Variants in SGCZ observed in about 807,000 individuals in gnomAD.
SGCZ encodes zeta-sarcoglycan.
Under a neutral mutation model 41.3 loss-of-function variants are expected in SGCZ, and 40 were observed. That is an observed-to-expected ratio of 0.97 (90% confidence interval 0.75 to 1.26). The LOEUF (loss-of-function observed/expected upper bound fraction) is 1.26. Ranked by LOEUF, SGCZ falls within the 50% of genes most tolerant of loss-of-function variation. The pLI is 0.00. For missense variants in SGCZ, 552 were observed against 369.8 expected, an observed-to-expected ratio of 1.49 and a Z score of -4.04; for synonymous variants, 206 against 137.5, an observed-to-expected ratio of 1.50 and a Z score of -3.49.
At chr8:14,164,321 C>T (rs562092877) in intron 5 of SGCZ, among the ~76,000 whole-genome samples, 2 of 152,180 alleles carry the variant, frequency 1.3e-5, no homozygotes, top group East Asian at 3.9e-4. Context: ...CCACCCCGCC[C>T]AGCCACATCA....
At chr8:14,198,040 T>C (rs1312834092) in intron 4 of SGCZ, among the ~76,000 whole-genome samples, 1 of 152,208 alleles carries the variant, frequency 6.6e-6, no homozygotes, top group African/African-American at 2.4e-5. Flanking sequence ...AATATTTTTA[T>C]AGCACAATAA....
rs189422212 is a variant in SGCZ at position 14,378,307 on chromosome 8, T to G, written c.235-54103A>C. On this transcript the variant is annotated intron_variant, in intron 2 of 7. Transcript: ENST00000382080. The stretch of plus-strand genomic sequence containing the variant: ...GATGGTGAGCATTTTTTCATGTGTT[T>G]TTTGGCTGCATAAATGTCTTCTTAG... Among the ~76,000 whole-genome samples, 280 of 152,252 alleles carry G rather than the reference T, an allele frequency of 1.8e-3. 1 individual carries two copies. The highest frequency in any genetic ancestry group is 6.6e-3 in the African/African-American group (273 of 41,530).
At chr8:14,458,008 T>C (rs1841647) in intron 2 of SGCZ, among the ~76,000 whole-genome samples, 150,221 of 152,244 alleles carry the variant, frequency 0.99, 74,148 homozygotes, top group East Asian at 1. Flanking sequence ...TGGAGCTGGT[T>C]CCTACAGGGG....
chr8:14,257,224 G>C (rs866145489), intron 3 of SGCZ, among the ~76,000 whole-genome samples: 1 of 151,972 alleles, frequency 6.6e-6, no homozygotes, highest in South Asian at 2.1e-4. Context: ...CTACTTGGGA[G>C]GCTGAGATGG....
rs187376735 is a variant in SGCZ, at chr8:14,747,391, A to G, written c.40-192465T>C. 6.6e-5 allele frequency among the ~76,000 whole-genome samples: 10 copies of G among 152,310 alleles called. No homozygotes were observed. The East Asian group carries it at 1.9e-3, about 29-fold the overall frequency. ...CTGGTGGCCTGGCCATATTTCAGCC[A>G]TAGCAACCTGCAACAATACGGTGAC... On this transcript the variant is annotated intron_variant, in intron 1 of 7. Transcript: ENST00000382080.
intron 2 of SGCZ, among the ~76,000 whole-genome samples, chr8:14,393,489 T>C (rs568835038): frequency 4.7e-4 from 71 of 152,294 alleles, no homozygotes; most frequent in African/African-American, 1.7e-3. Flanking sequence ...GCGACCAACC[T>C]TCCCCACTCA....
At chr8:14,248,242 T>G (rs1799173114) in intron 3 of SGCZ, among the ~76,000 whole-genome samples, 1 of 152,324 alleles carries the variant, frequency 6.6e-6, no homozygotes, top group East Asian at 1.9e-4. Flanking sequence ...TAGTATTGCA[T>G]GCTTATGGCT....
chr8:14,550,747 C>T (rs2117176458), intron 2 of SGCZ, among the ~76,000 whole-genome samples: 1 of 151,886 alleles, frequency 6.6e-6, no homozygotes, highest in South Asian at 2.1e-4. Flanking sequence ...TCAAGATGGC[C>T]CTTTAGAAGG....
At chr8:14,810,866 T>C (rs970399153) in intron 1 of SGCZ, among the ~76,000 whole-genome samples, 1 of 152,082 alleles carries the variant, frequency 6.6e-6, no homozygotes, top group Non-Finnish European at 1.5e-5. Context: ...CAAAATATTT[T>C]AAAAGTATTT....
rs987004147 is a variant in SGCZ, at chr8:14,088,152, T to C, written c.*2291A>G. The stretch of plus-strand genomic sequence containing the variant: ...TCTTTTGCCTTTTGTAATTTTGAAA[T>C]TAGAACTTGAATTAGAACTTGAAAT... On this transcript the variant is annotated 3_prime_UTR_variant, in exon 8 of 8. Coordinates refer to ENST00000382080, the MANE Select transcript of SGCZ (RefSeq NM_139167.4). 4.6e-5 allele frequency among the ~76,000 whole-genome samples: 7 copies of C among 151,728 alleles called. No individual in the cohort carries two copies. Among genetic ancestry groups the C allele is most frequent in the African/African-American group, 1.7e-4 (7 of 41,384 alleles).
At chr8:14,186,286 T>A (rs2117035187) in intron 4 of SGCZ, among the ~76,000 whole-genome samples, 1 of 152,322 alleles carries the variant, frequency 6.6e-6, no homozygotes, top group South Asian at 2.1e-4. Context: ...TGAAGAAAAT[T>A]TTTTAAACAG....
At chr8:14,503,608 A>C (rs1383329299) in intron 2 of SGCZ, among the ~76,000 whole-genome samples, 7 of 152,008 alleles carry the variant, frequency 4.6e-5, no homozygotes, top group Admixed American at 3.3e-4. Flanking sequence ...TCTCTACTGA[A>C]AATACAAAAA....
chr8:14,759,193 T>C (rs1799778357), intron 1 of SGCZ, among the ~76,000 whole-genome samples: 1 of 152,092 alleles, frequency 6.6e-6, no homozygotes, highest in Non-Finnish European at 1.5e-5. Flanking sequence ...CATCTATGCA[T>C]GTATATTACT....
At chr8:14,273,989 C>T (rs1800145324) in intron 3 of SGCZ, among the ~76,000 whole-genome samples, 1 of 151,932 alleles carries the variant, frequency 6.6e-6, no homozygotes, top group South Asian at 2.1e-4. Context: ...AAATGGTCTC[C>T]TTCCCTCCTG....
intron 2 of SGCZ, among the ~76,000 whole-genome samples, chr8:14,326,327 G>C (rs1038613995): frequency 1.3e-5 from 2 of 151,870 alleles, no homozygotes; most frequent in Non-Finnish European, 2.9e-5. Context: ...CCCTCCAAAA[G>C]AGAAAGCCAT....
chr8:15,080,041 T>C (rs563903096), intron 1 of SGCZ, among the ~76,000 whole-genome samples: 1 of 152,010 alleles, frequency 6.6e-6, no homozygotes, highest in East Asian at 1.9e-4. Context: ...TCCTTCGCCA[T>C]TTTTTTTATC....
chr8:14,441,849 T>G (rs1196892312), intron 2 of SGCZ, among the ~76,000 whole-genome samples: 1 of 152,212 alleles, frequency 6.6e-6, no homozygotes, highest in African/African-American at 2.4e-5. Context: ...GACTCTGGTA[T>G]TCTGACCTGA....
chr8:14,771,263 C>A (rs879533083), intron 1 of SGCZ, among the ~76,000 whole-genome samples: 6 of 151,992 alleles, frequency 3.9e-5, no homozygotes, highest in African/African-American at 7.3e-5. Flanking sequence ...TGTGTGGGGT[C>A]AGAGGAGAGA....
intron 1 of SGCZ, among the ~76,000 whole-genome samples, chr8:14,702,932 GATAGATAGA>G (rs1563213282): frequency 2.9e-5 from 3 of 103,840 alleles, no homozygotes; most frequent in Non-Finnish European, 4.0e-5. Context: ...TAGGTAGATA[GATAGATAGA>G]TAGATAGATA....
Sources: gnomAD v4.1 joint callset for allele counts (sites outside exome capture counted in the v4.1 genomes callset) on GRCh38, gnomAD v4.1.1 for gene constraint, MANE v1.5 for transcripts, NCBI Gene and HGNC (gene_info 2026-07-23, HGNC 2026-07-21) for gene names.